REC114: variants seen among roughly 807,000 people sequenced by gnomAD.
REC114 encodes meiotic recombination protein REC114.
Under a neutral mutation model 31.3 loss-of-function variants are expected in REC114, and 27 were observed. That is an observed-to-expected ratio of 0.86 (90% confidence interval 0.64 to 1.19). REC114 has a LOEUF of 1.19. Among genes scored for constraint, REC114 ranks in the 50% most tolerant of loss-of-function variants. The pLI is 0.00. For synonymous variants in REC114, 134 were observed against 127.7 expected (o/e 1.05, Z -0.33); for missense variants, 344 against 326.9 (o/e 1.05, Z -0.40).
intron 2 of REC114, among the ~76,000 whole-genome samples, chr15:73,526,201 T>C (rs1239717876): frequency 6.6e-6 from 1 of 152,178 alleles, no homozygotes; most frequent in Admixed American, 6.5e-5. Context: ...TCTTTTTATC[T>C]GTTTCTTTAC....
At chr15:73,465,456 G>A (rs1015575452) in intron 1 of REC114, among the ~76,000 whole-genome samples, 62 of 152,144 alleles carry the variant, frequency 4.1e-4, no homozygotes, top group Non-Finnish European at 1.0e-4. Context: ...CTTTGCTCAA[G>A]CCTCACCTTC....
At chr15:73,540,346 T>C in intron 2 of REC114, 139 bp from the exon 3 acceptor site, 1 of 720,664 alleles carries the variant, frequency 1.4e-6, no homozygotes, top group Non-Finnish European at 2.5e-6. Flanking sequence ...CCTTGGCAAC[T>C]GGTTTTATTG....
chr15:73,461,644 G>A (rs2151254480), intron 1 of REC114, among the ~76,000 whole-genome samples: 1 of 152,176 alleles, frequency 6.6e-6, no homozygotes, highest in South Asian at 2.1e-4. Context: ...AAGATTCTCT[G>A]TTTAACCAAT....
intron 1 of REC114, among the ~76,000 whole-genome samples, chr15:73,460,881 T>A (rs898066873): frequency 6.6e-6 from 1 of 152,086 alleles, no homozygotes; most frequent in Non-Finnish European, 1.5e-5. Context: ...TACTGATAAT[T>A]CTTCTGTTAC....
In REC114 at chr15:73,559,637, A is replaced by AT. The variant is rs947185906; in HGVS notation, c.637-108dup. 8 of 910,026 alleles carry AT rather than the reference A, an allele frequency of 8.8e-6. No individual in the cohort carries two copies. In the African/African-American group the frequency reaches 1.0e-4, roughly 12 times the overall value. 56.4% of individuals were successfully genotyped at this position (910,026 alleles called of 1,614,324 possible). On this transcript the variant is annotated intron_variant, in intron 5 of 5. Transcript: ENST00000331090. ...AAGCCTGTAAAGCTAATTAACACTAATTTTTTTGGTGTGTATTTCGCTAAT... is the reference window on the plus strand; with the variant it reads ...AAGCCTGTAAAGCTAATTAACACTAATTTTTTTTGGTGTGTATTTCGCTAAT...
At chr15:73,476,498 T>TA (rs1248763487) in intron 2 of REC114, among the ~76,000 whole-genome samples, 28 of 152,234 alleles carry the variant, frequency 1.8e-4, no homozygotes, top group Non-Finnish European at 7.3e-5. Context: ...AATTGACAGA[T>TA]AAAATTGTAT....
chr15:73,537,694 A>C (rs1894175961), intron 2 of REC114, among the ~76,000 whole-genome samples: 1 of 152,254 alleles, frequency 6.6e-6, no homozygotes, highest in African/African-American at 2.4e-5. Flanking sequence ...CATAACATTA[A>C]ACAATAATGT....
rs1566950086 is a variant in REC114, at chr15:73,551,061, A to G, written c.457A>G (p.Ile153Val). 2 of 1,613,832 alleles carry G rather than the reference A, an allele frequency of 1.2e-6. No homozygotes were observed. The highest frequency in any genetic ancestry group is 8.5e-7 in the Non-Finnish European group (1 of 1,179,840). The stretch of plus-strand genomic sequence containing the variant: ...AACCGTGCAGGTGCCTGATGGAAAC[A>G]TCCAGGAGCTTCAGCTGATTCCTGG... ...YITVQVPDGN[I>V]QELQLIPGPP... The change falls in exon 4 of 6, where the codon ATC becomes GTC. Residue 153 changes from isoleucine to valine, a missense_variant. Coordinates refer to ENST00000331090, the MANE Select transcript of REC114 (RefSeq NM_001042367.2).
chr15:73,518,829 G>A (rs1239963217), intron 2 of REC114, among the ~76,000 whole-genome samples: 1 of 152,246 alleles, frequency 6.6e-6, no homozygotes, highest in Admixed American at 6.5e-5. Context: ...ATGAATGGAT[G>A]TATTTGTTGT....
At chr15:73,474,166 G>T (rs1036231845) in intron 2 of REC114, among the ~76,000 whole-genome samples, 2 of 152,202 alleles carry the variant, frequency 1.3e-5, no homozygotes, top group Non-Finnish European at 2.9e-5. Context: ...TAACCAGTAT[G>T]ATAAAGGATT....
At chr15:73,448,070 G>A (rs1223753826) in intron 1 of REC114, among the ~76,000 whole-genome samples, 1 of 151,968 alleles carries the variant, frequency 6.6e-6, no homozygotes, top group Non-Finnish European at 1.5e-5. Context: ...CATTTGGGCA[G>A]ACACTGAGCT....
chr15:73,555,867 G>A (rs1427461061), intron 4 of REC114, among the ~76,000 whole-genome samples: 11 of 152,128 alleles, frequency 7.2e-5, no homozygotes, highest in Admixed American at 7.2e-4. Flanking sequence ...TTTCTTCAAT[G>A]AACATGTATT....
chr15:73,508,868 A>G (rs968992425), intron 2 of REC114, among the ~76,000 whole-genome samples: 59 of 151,486 alleles, frequency 3.9e-4, no homozygotes, highest in Non-Finnish European at 7.2e-4. Flanking sequence ...GGTTGGTTCC[A>G]AGTCTTTGCT....
chr15:73,545,540 G>A (rs1445744966), intron 3 of REC114, among the ~76,000 whole-genome samples: 1 of 152,160 alleles, frequency 6.6e-6, no homozygotes, highest in African/African-American at 2.4e-5. Context: ...ATGCATTGAA[G>A]TGGTATTTCT....
intron 2 of REC114, among the ~76,000 whole-genome samples, chr15:73,512,924 T>C (rs1893794447): frequency 6.6e-6 from 1 of 151,784 alleles, no homozygotes; most frequent in South Asian, 2.1e-4. Flanking sequence ...TTATGTGCCT[T>C]GGAGTTGCTC....
intron 1 of REC114, among the ~76,000 whole-genome samples, chr15:73,470,624 A>G (rs1370071059): frequency 2.0e-5 from 3 of 152,182 alleles, no homozygotes; most frequent in Admixed American, 6.5e-5. Flanking sequence ...GGAAAAAAAA[A>G]TCTCTATCTT....
rs779342064 is a variant in REC114, at chr15:73,443,247, G to A, written c.62G>A (p.Trp21Ter). Residue 21 changes from tryptophan (W) to a stop codon, truncating the protein, a stop_gained, in exon 1 of 6, where the codon TGG becomes TAG. Coordinates refer to ENST00000331090, the MANE Select transcript of REC114 (RefSeq NM_001042367.2). LOFTEE classifies it high-confidence loss of function. ...CTTACCGGAGGAGAAGCGGCAGAGT[G>A]GCCTCTGCAGCGGTACGCCCGCTGC... The part of the protein sequence containing the change: ...LGLTGGEAAE[W>*]PLQRYARCIP... 1 of 1,573,252 alleles carries A rather than the reference G, an allele frequency of 6.4e-7. No individual in the cohort carries two copies. The highest frequency in any genetic ancestry group is 8.6e-7 in the Non-Finnish European group (1 of 1,160,334).
chr15:73,462,486 A>G (rs1893002451), intron 1 of REC114, among the ~76,000 whole-genome samples: 1 of 152,196 alleles, frequency 6.6e-6, no homozygotes, highest in South Asian at 2.1e-4. Flanking sequence ...CTAGTCGACA[A>G]AGAACATGGA....
chr15:73,465,852 GTTATT>G (rs1246394949), intron 1 of REC114, among the ~76,000 whole-genome samples: 1 of 151,976 alleles, frequency 6.6e-6, no homozygotes, highest in Admixed American at 6.6e-5. Context: ...TTTATATTGT[GTTATT>G]TTATTTTATT....
Sources: allele counts gnomAD v4.1 joint callset (sites outside exome capture counted in the v4.1 genomes callset), GRCh38; gene constraint gnomAD v4.1.1; transcripts MANE v1.5; gene names NCBI Gene and HGNC (gene_info 2026-07-23, HGNC 2026-07-21).